The following HNF1A variants were observed in gnomAD, a reference collection of about 807,000 sequenced individuals.
The protein encoded by HNF1A is HNF1 homeobox A, also known as hepatocyte nuclear factor 1-alpha.
HNF1A carries 21 observed loss-of-function variants against 62.2 expected under a neutral mutation model. The ratio of observed to expected loss-of-function variants is 0.34; its 90% CI spans 0.24 to 0.49. HNF1A has a LOEUF of 0.49. Ranked by LOEUF, HNF1A falls within the 20% of genes least tolerant of loss-of-function variation. The pLI is 0.99. For missense variants in HNF1A, 687 were observed against 832.3 expected, an observed-to-expected ratio of 0.83 and a Z score of 2.15; for synonymous variants, 374 against 366.8, an observed-to-expected ratio of 1.02 and a Z score of -0.22.
chr12:120,988,419 T>C (rs998397363), intron 1 of HNF1A, among the ~76,000 whole-genome samples: 7 of 150,582 alleles, frequency 4.6e-5, no homozygotes, highest in African/African-American at 1.7e-4. Flanking sequence ...CATTCGCCCA[T>C]CCATCCATCC....
chr12:120,997,371 A>C, intron 6 of HNF1A, 103 bp from the exon 7 acceptor site: 2 of 1,390,972 alleles, frequency 1.4e-6, no homozygotes, highest in Non-Finnish European at 1.9e-6. Flanking sequence ...CCCCTCCTCC[A>C]AACCACGGGC....
At position 120,988,839 on chromosome 12, in the gene HNF1A, C is replaced by T. The variant is rs761210627; in HGVS notation, c.333C>T (p.Asp111=). ...CGTCCTTGCCCTCTCCCAGGGAGGA[C>T]CCGTGGCGTGTGGCGAAGATGGTCA... ...KAVVETLLQE[D]PWRVAKMVKS... Residue 111 remains aspartate (D), a synonymous_variant, in exon 2 of 10, where the codon GAC becomes GAT. Coordinates refer to ENST00000257555, the MANE Select transcript of HNF1A (RefSeq NM_000545.8). 6.2e-7 allele frequency: 1 copy of T among 1,614,194 alleles called. No individual in the cohort carries two copies. The highest frequency in any genetic ancestry group is 1.1e-5 in the South Asian group (1 of 91,080).
chr12:120,985,534 T>C (rs1434109719), intron 1 of HNF1A, among the ~76,000 whole-genome samples: 1 of 149,446 alleles, frequency 6.7e-6, no homozygotes, highest in African/African-American at 2.5e-5. Context: ...TAGCTGGGCA[T>C]GTTGGCATGT....
rs539507291 is a variant in HNF1A, at chr12:120,994,312, G to T, written c.862G>T (p.Gly288Trp). 7.5e-5 allele frequency: 105 copies of T among 1,406,032 alleles called. No homozygotes were observed. Among genetic ancestry groups the T allele is most frequent in the Non-Finnish European group, 8.4e-5 (84 of 998,200 alleles). The allele number at this position is 1,406,032 out of a possible 1,614,324, so 87.1% of individuals were successfully genotyped here. ...RHKLAMDTYS[G>W]PPPGPGPGPA... ...CAAGCTGGCCATGGACACGTACAGC[G>T]GGCCCCCCCCAGGGCCAGGCCCGGG... Residue 288 changes from glycine (G) to tryptophan (W), a missense_variant, in exon 4 of 10, where the codon GGG (glycine) becomes TGG (tryptophan). Gly to Trp is a radical substitution (Grantham distance 184, BLOSUM62 -2). Transcript: ENST00000257555.
chr12:120,987,331 C>T (rs1487319448), intron 1 of HNF1A, among the ~76,000 whole-genome samples: 1 of 151,748 alleles, frequency 6.6e-6, no homozygotes, highest in Non-Finnish European at 1.5e-5. Context: ...AAAAATTAGC[C>T]GGGCGTGGTG....
intron 4 of HNF1A, among the ~76,000 whole-genome samples, 184 bp downstream of exon 4, chr12:120,994,589 C>G (rs775489111): frequency 2.6e-5 from 4 of 151,692 alleles, no homozygotes; most frequent in Non-Finnish European, 5.9e-5. Context: ...ATTCCATTCA[C>G]TCTACTCCTT....
At chr12:120,987,800 A>ATCTATCTT (rs1555211268) in intron 1 of HNF1A, among the ~76,000 whole-genome samples, 2 of 151,726 alleles carry the variant, frequency 1.3e-5, no homozygotes, top group African/African-American at 4.8e-5. Flanking sequence ...CTATCTATCT[A>ATCTATCTT]TCTATCTATC....
intron 9 of HNF1A, among the ~76,000 whole-genome samples, 171 bp downstream of exon 9, chr12:120,999,798 C>G (rs940802711): frequency 6.6e-6 from 1 of 152,094 alleles, no homozygotes; most frequent in Non-Finnish European, 1.5e-5. Flanking sequence ...CCATGAAGCC[C>G]AAGAGGCACA....
intron 1 of HNF1A, among the ~76,000 whole-genome samples, chr12:120,986,215 A>G (rs144065377): frequency 1.7e-4 from 26 of 152,118 alleles, no homozygotes; most frequent in Non-Finnish European, 3.5e-4. Flanking sequence ...AATTATTCAT[A>G]AGTAGCAGCA....
At position 121,001,108 on chromosome 12, in the gene HNF1A, C is replaced by T. The variant is rs777855166; in HGVS notation, c.1812C>T (p.Ser604=). The T allele has an allele frequency of 6.2e-7, 1 of 1,613,878 alleles. No individual in the cohort carries two copies. The highest frequency in any genetic ancestry group is 1.3e-5 in the African/African-American group (1 of 74,934). Residue 604 remains serine (S), a synonymous_variant, in exon 10 of 10, where the codon AGC becomes AGT. Transcript: ENST00000257555. ...TGCTGTACCAGAGCTCAGACTCCAG[C>T]AATGGCCAGAGCCACCTGCTGCCAT... is the stretch of plus-strand genomic sequence containing the variant. ...SLVLYQSSDS[S]NGQSHLLPSN...
At position 121,001,639 on chromosome 12, in the gene HNF1A, T is replaced by A. The variant is rs143731661; in HGVS notation, c.*447T>A. 312 of 444,758 alleles carry A rather than the reference T, an allele frequency of 7.0e-4. 4 individuals carry two copies. The East Asian group carries it at 0.011, about 15-fold the overall frequency. 27.6% of individuals were successfully genotyped at this position (444,758 alleles called of 1,614,324 possible). ...AGCTCTGAGAGGCCCTGGATCAGCG[T>A]GGCCTTGTTCTGTCACCAATGTACC... is the stretch of plus-strand genomic sequence containing the variant. On this transcript the variant is annotated 3_prime_UTR_variant, in exon 10 of 10. Transcript: ENST00000257555.
At chr12:120,987,344 G>T (rs1050136157) in intron 1 of HNF1A, among the ~76,000 whole-genome samples, 1 of 151,790 alleles carries the variant, frequency 6.6e-6, no homozygotes, top group East Asian at 1.9e-4. Context: ...GCGTGGTGGC[G>T]GGTGCCTGTA....
In HNF1A at chr12:121,001,239, A is replaced by G; in HGVS notation, c.*47A>G. ...GCCTGTACTGCCTGCTTGGGGGGTG[A>G]TGAGGGCAGCAGCCAGCCCTGCCTG... On this transcript the variant is annotated 3_prime_UTR_variant, in exon 10 of 10. Coordinates refer to ENST00000257555, the MANE Select transcript of HNF1A (RefSeq NM_000545.8). 1 of 1,609,190 alleles carries G rather than the reference A, an allele frequency of 6.2e-7. No individual in the cohort carries two copies. Among genetic ancestry groups the G allele is most frequent in the Non-Finnish European group, 8.5e-7 (1 of 1,178,138 alleles).
chr12:120,984,100 C>G (rs749537899), intron 1 of HNF1A, among the ~76,000 whole-genome samples: 42 of 152,198 alleles, frequency 2.8e-4, no homozygotes, highest in Middle Eastern at 6.8e-3. Flanking sequence ...CCTCTTGGTT[C>G]TCTGACTCCT....
intron 1 of HNF1A, among the ~76,000 whole-genome samples, chr12:120,983,751 G>A (rs1876366620): frequency 6.6e-6 from 1 of 151,986 alleles, no homozygotes; most frequent in East Asian, 1.9e-4. Flanking sequence ...TCACTGTGTT[G>A]GCCAGGGTGG....
intron 1 of HNF1A, 149 bp downstream of exon 1, chr12:120,979,243 G>GCTTGGA: frequency 2.6e-6 from 2 of 757,126 alleles, no homozygotes; most frequent in Non-Finnish European, 4.4e-6. Flanking sequence ...TGAGAGCCCA[G>GCTTGGA]GGGTCCTTGC....
chr12:120,984,420 A>C (rs966834973), intron 1 of HNF1A, among the ~76,000 whole-genome samples: 4 of 152,032 alleles, frequency 2.6e-5, no homozygotes, highest in African/African-American at 9.7e-5. Context: ...CTTTGGTTTG[A>C]GCCCAGGAGA....
chr12:120,987,125 AT>A (rs1283019698), intron 1 of HNF1A, among the ~76,000 whole-genome samples: 1 of 151,914 alleles, frequency 6.6e-6, no homozygotes, highest in African/African-American at 2.4e-5. Context: ...GTTCACATGC[AT>A]TTTTGGTACT....
chr12:120,986,511 C>G (rs936517377), intron 1 of HNF1A, among the ~76,000 whole-genome samples: 2 of 152,196 alleles, frequency 1.3e-5, no homozygotes, highest in African/African-American at 4.8e-5. Flanking sequence ...TCACGCAGAC[C>G]CAAGTTCAAA....
Sources: gnomAD v4.1 joint callset for allele counts (sites outside exome capture counted in the v4.1 genomes callset) on GRCh38, gnomAD v4.1.1 for gene constraint, MANE v1.5 for transcripts, NCBI Gene and HGNC (gene_info 2026-07-23, HGNC 2026-07-21) for gene names.